Variants in GGPS1 observed in about 807,000 individuals in gnomAD.
The protein encoded by GGPS1 is geranylgeranyl diphosphate synthase 1.
GGPS1 carries 15 observed loss-of-function variants against 28.1 expected under a neutral mutation model. The ratio of observed to expected loss-of-function variants is 0.53; its 90% CI spans 0.36 to 0.82. The LOEUF (loss-of-function observed/expected upper bound fraction) is 0.82. Ranked by LOEUF, GGPS1 falls within the 40% of genes least tolerant of loss-of-function variation. The pLI is 0.01. For synonymous variants in GGPS1, 138 were observed against 122.4 expected (o/e 1.13, Z -0.84); for missense variants, 284 against 348.3 (o/e 0.82, Z 1.47).
Position 235,344,445 on chromosome 1 carries a change from T to G in GGPS1, c.*1673T>G, listed in dbSNP as rs1676143642. 1 of 167,056 alleles carries G rather than the reference T, an allele frequency of 6.0e-6. No individual in the cohort carries two copies. The highest frequency in any genetic ancestry group is 6.6e-5 in the Admixed American group (1 of 15,254). The allele number at this position is 167,056 out of a possible 1,614,324, so 10.3% of individuals were successfully genotyped here. On this transcript the variant is annotated 3_prime_UTR_variant, in exon 4 of 4. Coordinates refer to ENST00000282841, the MANE Select transcript of GGPS1 (RefSeq NM_004837.4). ...ATGTTATAGTATGGAAAGTTGAACT[T>G]TATGAACCCATACTTTTAAAAAGCA...
chr1:235,335,024 A>G (rs1675824366), intron 1 of GGPS1, among the ~76,000 whole-genome samples: 1 of 152,210 alleles, frequency 6.6e-6, no homozygotes, highest in Non-Finnish European at 1.5e-5. Context: ...CATGTTGCCC[A>G]GGCTGGTCTC....
intron 2 of GGPS1, among the ~76,000 whole-genome samples, chr1:235,340,675 G>T (rs1187952274): frequency 2.9e-5 from 4 of 140,174 alleles, no homozygotes; most frequent in Admixed American, 7.5e-5. Context: ...GGCGGAGCTT[G>T]CAGTGAGCCG....
At chr1:235,336,445 A>G (rs1675867244) in intron 2 of GGPS1, among the ~76,000 whole-genome samples, 1 of 151,470 alleles carries the variant, frequency 6.6e-6, no homozygotes, top group Non-Finnish European at 1.5e-5. Flanking sequence ...CATGAATATA[A>G]TAAACAGGGG....
chr1:235,329,054 C>T (rs1675584947), intron 1 of GGPS1: 1 of 152,236 alleles, frequency 6.6e-6, no homozygotes, highest in African/African-American at 2.4e-5. Flanking sequence ...TTGCAGTTCT[C>T]TGCCCAGCCG....
At position 235,342,565 on chromosome 1, in the gene GGPS1, T is replaced by C; in HGVS notation, c.696T>C (p.Asn232=). The C allele has an allele frequency of 6.2e-7, 1 of 1,611,638 alleles. No homozygotes were observed. Among genetic ancestry groups the C allele is most frequent in the Admixed American group, 1.7e-5 (1 of 60,012 alleles). ...WSRPESTQVQ[N]ILRQRTENID... is the part of the protein sequence containing the mutation. ...GGCCTGAAAGCACCCAGGTGCAGAA[T>C]ATCTTGCGCCAGAGAACAGAAAACA... The change falls in exon 4 of 4, where the codon AAT becomes AAC. Residue 232 remains asparagine, a synonymous_variant. Transcript: ENST00000282841.
chr1:235,331,613 T>A (rs1675717877), intron 1 of GGPS1, among the ~76,000 whole-genome samples: 1 of 151,546 alleles, frequency 6.6e-6, no homozygotes, highest in Non-Finnish European at 1.5e-5. Flanking sequence ...TTGCAACTTA[T>A]TAACACATAC....
chr1:235,340,911 A>C (rs188998883), intron 2 of GGPS1, among the ~76,000 whole-genome samples: 7 of 152,282 alleles, frequency 4.6e-5, no homozygotes, highest in Admixed American at 1.3e-4. Flanking sequence ...CCCCATCTCT[A>C]AAACCTTAAT....
intron 1 of GGPS1, among the ~76,000 whole-genome samples, chr1:235,334,881 G>A (rs1223914729): frequency 6.6e-6 from 1 of 152,116 alleles, no homozygotes; most frequent in East Asian, 1.9e-4. Context: ...AGAACTACAG[G>A]CACACACCAC....
chr1:235,341,804 A>G, intron 3 of GGPS1, 26 bp downstream of exon 3: 1 of 1,308,646 alleles, frequency 7.6e-7, no homozygotes, highest in Non-Finnish European at 1.1e-6. Context: ...AACCTCATTA[A>G]TCCCCAAGAA....
intron 1 of GGPS1, among the ~76,000 whole-genome samples, chr1:235,332,362 G>A (rs1339318664): frequency 6.6e-6 from 1 of 152,158 alleles, no homozygotes; most frequent in Non-Finnish European, 1.5e-5. Context: ...CTTAAGGTAA[G>A]GGCTATCCAT....
intron 1 of GGPS1, among the ~76,000 whole-genome samples, chr1:235,332,147 C>T (rs896166297): frequency 6.6e-6 from 1 of 152,156 alleles, no homozygotes; most frequent in Non-Finnish European, 1.5e-5. Flanking sequence ...GTAGTGAAGT[C>T]AGGACTTTTA....
intron 2 of GGPS1, among the ~76,000 whole-genome samples, chr1:235,341,347 A>G (rs905307468): frequency 3.9e-5 from 6 of 152,186 alleles, no homozygotes; most frequent in Non-Finnish European, 8.8e-5. Context: ...TAAATAAACT[A>G]GCTTCCTTTT....
At chr1:235,331,153 A>C (rs1558324199) in intron 1 of GGPS1, among the ~76,000 whole-genome samples, 2 of 152,156 alleles carry the variant, frequency 1.3e-5, no homozygotes, top group African/African-American at 4.8e-5. Flanking sequence ...TTGATTCTTT[A>C]TGAGCCTTTT....
intron 2 of GGPS1, among the ~76,000 whole-genome samples, chr1:235,339,004 AAGTAC>A (rs1170746854): frequency 4.6e-5 from 7 of 152,044 alleles, no homozygotes; most frequent in Admixed American, 3.9e-4. Flanking sequence ...TCTCTATTAA[AAGTAC>A]AAAAAATTGG....
chr1:235,342,613 A>G lies in GGPS1; in HGVS notation c.744A>G (p.Val248=). 4 of 1,611,576 alleles carry G rather than the reference A, an allele frequency of 2.5e-6. No individual in the cohort carries two copies. Among genetic ancestry groups the G allele is most frequent in the Non-Finnish European group, 3.4e-6 (4 of 1,177,670 alleles). Residue 248 remains valine (V), a synonymous_variant, in exon 4 of 4, where the codon GTA becomes GTG. Coordinates refer to ENST00000282841, the MANE Select transcript of GGPS1 (RefSeq NM_004837.4). Reference sequence around the variant, plus strand: ...ACATAGATATAAAAAAATACTGTGTACATTATCTTGAGGATGTAGGTTCTT... The same window carrying G: ...ACATAGATATAAAAAAATACTGTGTGCATTATCTTGAGGATGTAGGTTCTT... ...TENIDIKKYC[V]HYLEDVGSFE...
intron 1 of GGPS1, among the ~76,000 whole-genome samples, chr1:235,331,299 T>A (rs1675708089): frequency 6.6e-6 from 1 of 152,218 alleles, no homozygotes; most frequent in South Asian, 2.1e-4. Context: ...TATGATTGTT[T>A]CATATAGATA....
At chr1:235,330,578 C>T (rs1015112722) in intron 1 of GGPS1, 1 of 149,574 alleles carries the variant, frequency 6.7e-6, no homozygotes, top group Non-Finnish European at 1.5e-5. Context: ...ATGTAAATAT[C>T]CTCTGGGACA....
rs561924545 is a variant in GGPS1 at position 235,331,321 on chromosome 1, CA to C, written c.-24+2550del. Among the ~76,000 whole-genome samples, 7 of 152,098 alleles carry C rather than the reference CA, an allele frequency of 4.6e-5. No individual in the cohort carries two copies. The East Asian group carries it at 1.4e-3, about 29-fold the overall frequency. On this transcript the variant is annotated intron_variant, in intron 1 of 3. Transcript: ENST00000282841. ...GTTTCATATAGATAAGAACAGACTA[CA>C]AAAAAATATGCCTTTCAATCCTGAA...
intron 1 of GGPS1, among the ~76,000 whole-genome samples, chr1:235,331,021 A>G (rs1405364619): frequency 6.6e-6 from 1 of 152,218 alleles, no homozygotes; most frequent in African/African-American, 2.4e-5. Context: ...ATCCCTGATA[A>G]TAAGGTCACG....
Sources: allele counts gnomAD v4.1 joint callset (sites outside exome capture counted in the v4.1 genomes callset), GRCh38; gene constraint gnomAD v4.1.1; transcripts MANE v1.5; gene names NCBI Gene and HGNC (gene_info 2026-07-23, HGNC 2026-07-21).